ATP7B: variants seen among roughly 807,000 people sequenced by gnomAD.
ATP7B encodes the protein copper-transporting ATPase 2.
In ATP7B, 113 loss-of-function variants were observed where a neutral mutation model predicts 118.9. That is an observed-to-expected ratio of 0.95 (90% CI 0.82 to 1.11). The LOEUF is 1.11. Ranked by LOEUF, ATP7B falls within the 50% of genes most tolerant of loss-of-function variation. ATP7B has a pLI of 0.00. For missense variants in ATP7B, 1,867 were observed against 1,871.4 expected (o/e 1.00, Z 0.04); for synonymous variants, 777 against 727.4 (o/e 1.07, Z -1.10).
At chr13:51,966,823 G>A (rs1171522489) in intron 4 of ATP7B, 3 of 1,613,180 alleles carry the variant, frequency 1.9e-6, no homozygotes, top group African/African-American at 1.3e-5. Flanking sequence ...GGAGCTAGGA[G>A]TGGGAATAGC....
At chr13:51,995,405 A>G (rs1953155555) in intron 1 of ATP7B, 2 of 927,676 alleles carry the variant, frequency 2.2e-6, no homozygotes, top group Non-Finnish European at 2.6e-6. Flanking sequence ...CACAGTAGAC[A>G]CTGGCCTGGC....
intron 7 of ATP7B, 64 bp downstream of exon 7, chr13:51,960,084 G>T: frequency 6.4e-7 from 1 of 1,564,668 alleles, no homozygotes; most frequent in Non-Finnish European, 8.8e-7. Flanking sequence ...CGCTTAGCGG[G>T]CAGAATATCT....
Position 51,970,651 on chromosome 13 carries a change from G to A in ATP7B, c.1384C>T (p.His462Tyr). The A allele has an allele frequency of 6.2e-7, 1 of 1,614,146 alleles. No individual in the cohort carries two copies. Among genetic ancestry groups the A allele is most frequent in the Non-Finnish European group, 8.5e-7 (1 of 1,180,026 alleles). Residue 462 changes from histidine (H) to tyrosine (Y), a missense_variant, in exon 3 of 21, where the codon CAC (histidine) becomes TAC (tyrosine). His to Tyr is a moderately conservative substitution (Grantham distance 83). Transcript: ENST00000242839. ...TGGTTTGCAGGGAGCCTCCCAGTGT[G>A]GGGAGCCACTTCCTGCACAGATGTA... ...TPTSVQEVAP[H>Y]TGRLPANHAP...
intron 9 of ATP7B, among the ~76,000 whole-genome samples, chr13:51,950,739 G>C (rs1957947191): frequency 6.6e-6 from 1 of 151,608 alleles, no homozygotes; most frequent in Non-Finnish European, 1.5e-5. Flanking sequence ...GGGCTTCTTA[G>C]AGTGGCAGAG....
chr13:51,970,898 C>T (rs2139981029), intron 2 of ATP7B, 149 bp from the exon 3 acceptor site: 2 of 562,584 alleles, frequency 3.6e-6, no homozygotes, highest in Non-Finnish European at 6.1e-6. Flanking sequence ...TACCTTGTCC[C>T]TCAGCCATCC....
rs2277448 is a variant in ATP7B at position 52,011,412 on chromosome 13, G to T, written c.-75C>A. On this transcript the variant is annotated 5_prime_UTR_variant, in exon 1 of 21. Coordinates refer to ENST00000242839, the MANE Select transcript of ATP7B (RefSeq NM_000053.4). ...GTCACCTGGTCGGTGGAGGAGAGCG[G>T]GGTGTTAAAGTCCCGGGAGAGGAGG... 1,071,164 of 1,603,372 alleles carry T rather than the reference G, an allele frequency of 0.67. 365,078 individuals are homozygous for T. The highest frequency in any genetic ancestry group is 0.7 in the Non-Finnish European group (825,871 of 1,171,456).
intron 1 of ATP7B, among the ~76,000 whole-genome samples, chr13:51,990,300 A>C (rs1952846083): frequency 6.6e-6 from 1 of 152,174 alleles, no homozygotes; most frequent in Non-Finnish European, 1.5e-5. Context: ...ATATAGATAT[A>C]CAATTACATA....
In ATP7B at chr13:51,964,913, G is replaced by C. The variant is rs753069338; in HGVS notation, c.1828C>G (p.Pro610Ala). Residue 610 changes from proline (P) to alanine (A), a missense_variant, in exon 5 of 21, where the codon CCG becomes GCG. Physicochemically the swap from Pro to Ala is conservative, Grantham distance 27. Coordinates refer to ENST00000242839, the MANE Select transcript of ATP7B (RefSeq NM_000053.4). ...ATATCCCGTGGACCGATAATTTCCG[G>C]GTCAAACTTAACAAGGGCTTTGCTG... is the stretch of plus-strand genomic sequence containing the variant. ...ATSKALVKFDPEIIGPRDIIK... is the reference protein window; with the variant it reads ...ATSKALVKFDAEIIGPRDIIK... The C allele has an allele frequency of 1.6e-5, 26 of 1,613,806 alleles. No individual in the cohort carries two copies. The highest frequency in any genetic ancestry group is 2.2e-5 in the Non-Finnish European group (26 of 1,180,006).
intron 13 of ATP7B, 31 bp downstream of exon 13, chr13:51,946,253 C>T (rs371977400): frequency 2.6e-6 from 4 of 1,553,726 alleles, no homozygotes; most frequent in Non-Finnish European, 2.6e-6. Context: ...TTTCATCTCT[C>T]AGGATGGGGA....
Position 51,950,389 on chromosome 13 carries a change from C to A in ATP7B, c.2458G>T (p.Val820Phe), listed in dbSNP as rs1443179814. 1.2e-6 allele frequency: 2 copies of A among 1,614,122 alleles called. No individual in the cohort carries two copies. Among genetic ancestry groups the A allele is most frequent in the South Asian group, 2.2e-5 (2 of 91,080 alleles). ...CCCCGCTGCACCAGCTCCATGGGGA[C>A]TTGCTCCTCCCTGCAACAAACGCCA... ...EDNLIIREEQVPMELVQRGDI... is the reference protein window; with the variant it reads ...EDNLIIREEQFPMELVQRGDI... The change falls in exon 10 of 21, where the codon GTC (valine) becomes TTC (phenylalanine). Residue 820 changes from valine to phenylalanine, a missense_variant. Val to Phe is a conservative substitution (Grantham distance 50). Coordinates refer to ENST00000242839, the MANE Select transcript of ATP7B (RefSeq NM_000053.4).
chr13:51,934,972 G>T lies in ATP7B; in HGVS notation c.4182C>A (p.Pro1394=). The T allele has an allele frequency of 1.2e-6, 2 of 1,614,056 alleles. No homozygotes were observed. Among genetic ancestry groups the T allele is most frequent in the Non-Finnish European group, 1.7e-6 (2 of 1,180,036 alleles). ...GCACACTGACCTGGGATGCCGTCAG[G>T]GGCTTCATGTGGCCATGCGCCTGTG... is the stretch of plus-strand genomic sequence containing the variant. ...YEAQAHGHMK[P]LTASQVSVHI... is the part of the protein sequence containing the mutation. The change falls in exon 21 of 21, where the codon CCC becomes CCA. Residue 1394 remains proline (P), a synonymous_variant. Coordinates refer to ENST00000242839, the MANE Select transcript of ATP7B (RefSeq NM_000053.4).
Position 51,973,915 on chromosome 13 carries a change from G to A in ATP7B, c.1285+20C>T, listed in dbSNP as rs973150616. On this transcript the variant is annotated intron_variant, in intron 2 of 20. Coordinates refer to ENST00000242839, the MANE Select transcript of ATP7B (RefSeq NM_000053.4). ...AGAAAAGGAGACAAGCTCAGGACAT[G>A]CCTCAAACACACTACGTACCAGAAA... 6.2e-7 allele frequency: 1 copy of A among 1,614,192 alleles called. No individual in the cohort carries two copies. Among genetic ancestry groups the A allele is most frequent in the African/African-American group, 1.3e-5 (1 of 75,054 alleles).
chr13:51,961,083 C>T (rs1368351782), intron 6 of ATP7B, among the ~76,000 whole-genome samples: 1 of 151,964 alleles, frequency 6.6e-6, no homozygotes, highest in African/African-American at 2.4e-5. Flanking sequence ...CACAGCAGTC[C>T]CCAAGGGTAG....
At chr13:51,959,911 C>A (rs1958616964) in intron 7 of ATP7B, 1 of 558,868 alleles carries the variant, frequency 1.8e-6, no homozygotes, top group Non-Finnish European at 3.2e-6. Context: ...TTGCAATCAA[C>A]TGAAACTGAC....
Position 51,970,687 on chromosome 13 carries a change from C to T in ATP7B, c.1348G>A (p.Asp450Asn). 6.2e-7 allele frequency: 1 copy of T among 1,614,184 alleles called. No individual in the cohort carries two copies. The highest frequency in any genetic ancestry group is 8.5e-7 in the Non-Finnish European group (1 of 1,179,998). ...SAGNSMVQTT[D>N]GTPTSVQEVA... ...TCCTGCACAGATGTAGGTGTACCAT[C>T]TGTAGTTTGCACCATGGAATTCCCA... The change falls in exon 3 of 21, where the codon GAT becomes AAT. Residue 450 changes from aspartate (D) to asparagine (N), a missense_variant. Physicochemically the swap from Asp to Asn is conservative, Grantham distance 23 (BLOSUM62 1). Coordinates refer to ENST00000242839, the MANE Select transcript of ATP7B (RefSeq NM_000053.4).
At chr13:51,950,890 G>T (rs963357734) in intron 9 of ATP7B, among the ~76,000 whole-genome samples, 2 of 152,104 alleles carry the variant, frequency 1.3e-5, no homozygotes, top group African/African-American at 2.4e-5. Flanking sequence ...GGCAGGAAGG[G>T]TGCGTCTGAG....
At chr13:51,962,394 C>G (rs1336386645) in intron 5 of ATP7B, among the ~76,000 whole-genome samples, 3 of 152,242 alleles carry the variant, frequency 2.0e-5, no homozygotes, top group Non-Finnish European at 2.9e-5. Context: ...TGTGCCCCAA[C>G]AGAGCCTACA....
intron 1 of ATP7B, among the ~76,000 whole-genome samples, chr13:51,990,457 C>T (rs765098889): frequency 2.0e-5 from 3 of 151,896 alleles, no homozygotes; most frequent in Admixed American, 6.5e-5. Flanking sequence ...CATGTATTGA[C>T]GTGGAAAGAC....
rs587783301 is a variant in ATP7B, at chr13:51,960,267, T to C, written c.2002A>G (p.Met668Val). 1 of 1,613,882 alleles carries C rather than the reference T, an allele frequency of 6.2e-7. No homozygotes were observed. The highest frequency in any genetic ancestry group is 8.5e-7 in the Non-Finnish European group (1 of 1,179,850). The part of the protein sequence containing the change: ...LVFGIPVMAL[M>V]IYMLIPSNEP... ...TTGCTGGGTATCAGCATATAGATCA[T>C]TAAGGCCATGACAGGGATGCCAAAC... The change falls in exon 7 of 21, where the codon ATG becomes GTG. Residue 668 changes from methionine (M) to valine (V), a missense_variant. Coordinates refer to ENST00000242839, the MANE Select transcript of ATP7B (RefSeq NM_000053.4).
Sources: allele counts gnomAD v4.1 joint callset (sites outside exome capture counted in the v4.1 genomes callset), GRCh38; gene constraint gnomAD v4.1.1; transcripts MANE v1.5; gene names NCBI Gene and HGNC (gene_info 2026-07-23, HGNC 2026-07-21).